AGBL1: variants seen among roughly 807,000 people sequenced by gnomAD.
AGBL1 encodes cytosolic carboxypeptidase 4.
In AGBL1, 130 loss-of-function variants were observed where a neutral mutation model predicts 118.9. That is an observed-to-expected ratio of 1.09 (90% CI 0.95 to 1.26). AGBL1 has a LOEUF of 1.26. AGBL1 is among the 50% of genes most tolerant of loss of function. The pLI is 0.00. For missense variants in AGBL1, 1,584 were observed against 1,298.1 expected (o/e 1.22, Z -3.38); for synonymous variants, 555 against 478.9 (o/e 1.16, Z -2.08).
At chr15:86,961,146 G>C (rs1490464827) in intron 23 of AGBL1, among the ~76,000 whole-genome samples, 2 of 151,992 alleles carry the variant, frequency 1.3e-5, no homozygotes, top group East Asian at 1.9e-4. Flanking sequence ...ATGTTAATTA[G>C]CTTGATGTGG....
At chr15:86,916,988 C>T (rs1164658277), downstream of AGBL1, among the ~76,000 whole-genome samples, 1 of 152,182 alleles carries the variant, frequency 6.6e-6, no homozygotes, top group Admixed American at 6.5e-5. Flanking sequence ...AAAATGACAA[C>T]ATAAACAGGA....
chr15:86,405,592 G>A (rs1191922757), intron 18 of AGBL1, among the ~76,000 whole-genome samples: 1 of 152,076 alleles, frequency 6.6e-6, no homozygotes, highest in African/African-American at 2.4e-5. Context: ...GCTCTCATAC[G>A]TAACGAAATT....
At chr15:86,890,263 A>C (rs980874659) in intron 22 of AGBL1, among the ~76,000 whole-genome samples, 1 of 151,938 alleles carries the variant, frequency 6.6e-6, no homozygotes, top group South Asian at 2.1e-4. Context: ...AAAATTGTTT[A>C]AGTTCCTTGT....
At chr15:86,334,796 A>C (rs1007264498) in intron 17 of AGBL1, among the ~76,000 whole-genome samples, 1 of 152,232 alleles carries the variant, frequency 6.6e-6, no homozygotes, top group Non-Finnish European at 1.5e-5. Flanking sequence ...ATAGCATGGT[A>C]CACTACAAAA....
intron 18 of AGBL1, among the ~76,000 whole-genome samples, chr15:86,408,902 G>A (rs1435478803): frequency 1.3e-5 from 2 of 152,152 alleles, no homozygotes; most frequent in Non-Finnish European, 2.9e-5. Flanking sequence ...AAAAAAAGTA[G>A]GGGTGGAGGT....
chr15:86,630,691 CAA>C (rs2084949741), intron 21 of AGBL1: 1 of 152,216 alleles, frequency 6.6e-6, no homozygotes, highest in Admixed American at 6.5e-5. Context: ...TCTTCTGTGA[CAA>C]GAACAAAGTG....
chr15:86,724,778 A>G (rs1026505571), intron 22 of AGBL1, among the ~76,000 whole-genome samples: 1 of 151,846 alleles, frequency 6.6e-6, no homozygotes, highest in Non-Finnish European at 1.5e-5. Context: ...TTCTTGTAAG[A>G]CCCGGTTGTT....
At chr15:86,166,677 G>C (rs1400703544) in intron 5 of AGBL1, among the ~76,000 whole-genome samples, 3 of 152,264 alleles carry the variant, frequency 2.0e-5, no homozygotes, top group South Asian at 2.1e-4. Context: ...GGGTTGTCCT[G>C]ATTCAGGTGT....
intron 18 of AGBL1, among the ~76,000 whole-genome samples, chr15:86,419,526 G>A (rs2081755445): frequency 6.6e-6 from 1 of 152,042 alleles, no homozygotes; most frequent in Non-Finnish European, 1.5e-5. Context: ...GCACAAAACT[G>A]GGTGGCTGTT....
chr15:86,740,778 G>A (rs897574074), intron 22 of AGBL1, among the ~76,000 whole-genome samples: 7 of 152,110 alleles, frequency 4.6e-5, no homozygotes, highest in African/African-American at 1.2e-4. Flanking sequence ...ATGATGTAAG[G>A]TATCCCAAGT....
chr15:86,397,605 ATT>A, intron 18 of AGBL1, 59 bp downstream of exon 18: 2 of 1,494,930 alleles, frequency 1.3e-6, no homozygotes, highest in Admixed American at 1.9e-5. Context: ...TGACACTGTC[ATT>A]TCACCAAGTA....
chr15:86,455,585 C>T (rs2082249510), intron 18 of AGBL1, among the ~76,000 whole-genome samples: 1 of 151,924 alleles, frequency 6.6e-6, no homozygotes, highest in South Asian at 2.1e-4. Context: ...TGTAGAAAAA[C>T]AAGATGTAAG....
At chr15:86,087,073 T>C (rs1385133424) in intron 1 of AGBL1, among the ~76,000 whole-genome samples, 1 of 152,194 alleles carries the variant, frequency 6.6e-6, no homozygotes, top group Non-Finnish European at 1.5e-5. Context: ...AACAAATATC[T>C]ATTAGCCACA....
At chr15:86,903,794 CTT>C (rs1409699230) in intron 22 of AGBL1, among the ~76,000 whole-genome samples, 1 of 152,146 alleles carries the variant, frequency 6.6e-6, no homozygotes, top group African/African-American at 2.4e-5. Flanking sequence ...CCCACCAGGA[CTT>C]TGCTGATCCC....
At chr15:86,147,564 G>A (rs765984140) in intron 3 of AGBL1, among the ~76,000 whole-genome samples, 1 of 152,210 alleles carries the variant, frequency 6.6e-6, no homozygotes, top group Non-Finnish European at 1.5e-5. Flanking sequence ...GGGGAAGGGT[G>A]TCCGCCATTG....
chr15:86,275,162 A>C (rs1195312919), intron 15 of AGBL1, among the ~76,000 whole-genome samples: 6 of 152,114 alleles, frequency 3.9e-5, no homozygotes, highest in Non-Finnish European at 8.8e-5. Context: ...GTCTAAAGTA[A>C]TTTTGGTGCT....
At chr15:86,425,405 G>A (rs1024267490) in intron 18 of AGBL1, among the ~76,000 whole-genome samples, 2 of 152,092 alleles carry the variant, frequency 1.3e-5, no homozygotes, top group Admixed American at 6.6e-5. Flanking sequence ...GGGGGGCTAG[G>A]GGAGGGATAG....
chr15:86,617,760 G>GCGCA (rs1190179367), intron 21 of AGBL1, among the ~76,000 whole-genome samples: 40 of 146,924 alleles, frequency 2.7e-4, no homozygotes, highest in African/African-American at 8.6e-4. Context: ...AACTTTATGC[G>GCGCA]CACACACACA....
At position 86,906,027 on chromosome 15, in the gene AGBL1, T is replaced by A. The variant is rs143994350; in HGVS notation, c.3159-1060T>A. 4.7e-3 allele frequency among the ~76,000 whole-genome samples: 723 copies of A among 152,328 alleles called. 3 individuals carry two copies. The highest frequency in any genetic ancestry group is 0.01 in the Middle Eastern group (3 of 294). On this transcript the variant is annotated intron_variant, in intron 22 of 22. Coordinates refer to ENST00000614907, the MANE Select transcript of AGBL1 (RefSeq NM_001386094.1). ...CAGCTCACATCAGTCAGCAGACAATTAAGACACTGGCCTTTGATTCATTTC... is the reference window on the plus strand; with the variant it reads ...CAGCTCACATCAGTCAGCAGACAATAAAGACACTGGCCTTTGATTCATTTC...
Sources: gnomAD v4.1 joint callset for allele counts (sites outside exome capture counted in the v4.1 genomes callset) on GRCh38, gnomAD v4.1.1 for gene constraint, MANE v1.5 for transcripts, NCBI Gene and HGNC (gene_info 2026-07-23, HGNC 2026-07-21) for gene names.